The following PLSCR4 variants were observed in gnomAD, a reference collection of about 807,000 sequenced individuals.
PLSCR4 encodes the protein phospholipid scramblase 4, also known as Ca(2+)-dependent phospholipid scramblase 4.
PLSCR4 carries 25 observed loss-of-function variants against 36.3 expected under a neutral mutation model. That is an observed-to-expected ratio of 0.69 (90% CI 0.50 to 0.96). The LOEUF (loss-of-function observed/expected upper bound fraction) is 0.96, where lower values mean the gene tolerates loss of function less well. Among genes scored for constraint, PLSCR4 ranks in the 40% least tolerant of loss-of-function variants. PLSCR4 has a pLI of 0.00. For missense variants in PLSCR4, 408 were observed against 414.7 expected, an observed-to-expected ratio of 0.98 and a Z score of 0.14; for synonymous variants, 122 against 132.9, an observed-to-expected ratio of 0.92 and a Z score of 0.56.
chr3:146,223,927 A>G (rs933138468), intron 1 of PLSCR4: 1 of 146,836 alleles, frequency 6.8e-6, no homozygotes, highest in Non-Finnish European at 1.5e-5. Flanking sequence ...AATATAAAAT[A>G]ATACAAATAT....
intron 3 of PLSCR4, among the ~76,000 whole-genome samples, chr3:146,219,511 C>T (rs908637528): frequency 6.6e-6 from 1 of 152,084 alleles, no homozygotes; most frequent in African/African-American, 2.4e-5. Context: ...TGCATTTTAT[C>T]CTCATAACAC....
At chr3:146,200,797 G>C (rs1389409104) in intron 5 of PLSCR4, among the ~76,000 whole-genome samples, 1 of 152,004 alleles carries the variant, frequency 6.6e-6, no homozygotes, top group East Asian at 1.9e-4. Context: ...TAGGGCTATT[G>C]ACCAGATAAA....
At chr3:146,216,899 G>A (rs748141827) in intron 3 of PLSCR4, among the ~76,000 whole-genome samples, 5 of 152,090 alleles carry the variant, frequency 3.3e-5, no homozygotes, top group African/African-American at 1.2e-4. Context: ...AAAGCCAGTC[G>A]CCTTTGAAGG....
intron 1 of PLSCR4, among the ~76,000 whole-genome samples, chr3:146,227,804 C>G (rs2035538783): frequency 6.6e-6 from 1 of 152,218 alleles, no homozygotes; most frequent in Non-Finnish European, 1.5e-5. Context: ...GCAATTCCTT[C>G]TGCTTCTTAG....
Position 146,199,903 on chromosome 3 carries a change from G to C in PLSCR4, c.534C>G (p.Val178=), listed in dbSNP as rs1162633871. The change falls in exon 6 of 9, where the codon GTC becomes GTG. Residue 178 remains valine, a synonymous_variant. Transcript: ENST00000354952. Reference sequence around the variant, plus strand: ...TGATTTCTCGGCCCATACAATCAGTGACCCGGAGGACGAAGGGCCTTAGTG... The same window carrying C: ...TGATTTCTCGGCCCATACAATCAGTCACCCGGAGGACGAAGGGCCTTAGTG... ...YRTLRPFVLR[V]TDCMGREIMT... is the part of the protein sequence containing the mutation. 5.0e-6 allele frequency: 8 copies of C among 1,613,430 alleles called. No individual in the cohort carries two copies. The highest frequency in any genetic ancestry group is 6.8e-6 in the Non-Finnish European group (8 of 1,179,776).
intron 6 of PLSCR4, among the ~76,000 whole-genome samples, chr3:146,199,245 TCTC>T (rs2033910977): frequency 6.6e-6 from 1 of 152,108 alleles, no homozygotes; most frequent in Non-Finnish European, 1.5e-5. Flanking sequence ...CAAAACCGCT[TCTC>T]TTTTCCCTAC....
chr3:146,212,941 C>T (rs2034696924), intron 3 of PLSCR4, among the ~76,000 whole-genome samples: 1 of 152,056 alleles, frequency 6.6e-6, no homozygotes, highest in Non-Finnish European at 1.5e-5. Flanking sequence ...TGTATTTTGT[C>T]AAGTGTGATT....
At chr3:146,248,672 T>G (rs2036438373) in intron 1 of PLSCR4, among the ~76,000 whole-genome samples, 1 of 152,194 alleles carries the variant, frequency 6.6e-6, no homozygotes. Flanking sequence ...CAGAGCTGTA[T>G]CCATGTTTTC....
chr3:146,250,240 A>T (rs2036491960), intron 1 of PLSCR4, among the ~76,000 whole-genome samples: 1 of 152,168 alleles, frequency 6.6e-6, no homozygotes, highest in Non-Finnish European at 1.5e-5. Flanking sequence ...ATTACAGGAG[A>T]ATGCAATTTA....
rs370726623 is a variant in PLSCR4, at chr3:146,213,908, GTTTTAT to G, written c.118+6901_118+6906del. Reference sequence around the variant, plus strand: ...ATTCCTGATTTTAGTAATATGAGGTGTTTTATTTTTATTTTTATTTTTGGTTAGTTT... The same window carrying G: ...ATTCCTGATTTTAGTAATATGAGGTGTTTTATTTTTATTTTTGGTTAGTTT... On this transcript the variant is annotated intron_variant, in intron 3 of 8. Coordinates refer to ENST00000354952, the MANE Select transcript of PLSCR4 (RefSeq NM_020353.3). 8.8e-3 allele frequency among the ~76,000 whole-genome samples: 1,340 copies of G among 151,994 alleles called. 18 individuals carry two copies. The highest frequency in any genetic ancestry group is 0.031 in the African/African-American group (1,285 of 41,490).
chr3:146,219,752 A>G (rs2035054899), intron 3 of PLSCR4, among the ~76,000 whole-genome samples: 1 of 152,102 alleles, frequency 6.6e-6, no homozygotes, highest in Non-Finnish European at 1.5e-5. Context: ...CCTTGTCTCT[A>G]CAAACAAAAA....
chr3:146,248,599 C>T (rs2036436492), intron 1 of PLSCR4, among the ~76,000 whole-genome samples: 1 of 152,126 alleles, frequency 6.6e-6, no homozygotes, highest in Admixed American at 6.6e-5. Context: ...ATGTTTTAAA[C>T]TGTATATTAT....
rs536891839 is a variant in PLSCR4, at chr3:146,220,808, A to G, written c.118+7T>C. On this transcript the variant is annotated splice_region_variant and intron_variant, in intron 3 of 8. Coordinates refer to ENST00000354952, the MANE Select transcript of PLSCR4 (RefSeq NM_020353.3). Reference sequence around the variant, plus strand: ...AGGAGAATATCTTTTATGAATATTTAACCCACCTGGTAAAAAATGAGAATT... The same window carrying G: ...AGGAGAATATCTTTTATGAATATTTGACCCACCTGGTAAAAAATGAGAATT... 2.2e-5 allele frequency: 33 copies of G among 1,528,468 alleles called. No individual in the cohort carries two copies. In the South Asian group the frequency reaches 3.5e-4, roughly 16 times the overall value. 94.7% of individuals were successfully genotyped at this position (1,528,468 alleles called of 1,614,324 possible).
chr3:146,225,483 G>A (rs1448576900), intron 1 of PLSCR4, among the ~76,000 whole-genome samples: 1 of 152,198 alleles, frequency 6.6e-6, no homozygotes, highest in East Asian at 1.9e-4. Context: ...GGAGCAGGGG[G>A]TGGTGCTCGT....
chr3:146,240,778 A>C (rs2036118738), intron 1 of PLSCR4, among the ~76,000 whole-genome samples: 1 of 152,204 alleles, frequency 6.6e-6, no homozygotes, highest in Non-Finnish European at 1.5e-5. Context: ...AGTTCCTCAA[A>C]AGATTAAACA....
In PLSCR4 at chr3:146,194,308, A is replaced by C; in HGVS notation, c.*103T>G. 1 of 807,620 alleles carries C rather than the reference A, an allele frequency of 1.2e-6. No individual in the cohort carries two copies. Among genetic ancestry groups the C allele is most frequent in the Non-Finnish European group, 2.1e-6 (1 of 467,362 alleles). 50.0% of individuals were successfully genotyped at this position (807,620 alleles called of 1,614,324 possible). On this transcript the variant is annotated 3_prime_UTR_variant, in exon 9 of 9. Coordinates refer to ENST00000354952, the MANE Select transcript of PLSCR4 (RefSeq NM_020353.3). The stretch of plus-strand genomic sequence containing the variant: ...TAACACCCAATAAAAATACTCTACA[A>C]AGCAAAGAAATACACTTGCAAATAA...
intron 3 of PLSCR4, among the ~76,000 whole-genome samples, chr3:146,218,795 A>G (rs541766926): frequency 6.6e-6 from 1 of 152,320 alleles, no homozygotes; most frequent in East Asian, 1.9e-4. Context: ...TGTAAGACAC[A>G]CTGTCTGATA....
chr3:146,223,886 T>C (rs1256480273), intron 1 of PLSCR4: 1 of 147,458 alleles, frequency 6.8e-6, no homozygotes, highest in African/African-American at 2.5e-5. Context: ...TATATATTTT[T>C]ACATTTATAT....
At chr3:146,221,925 A>G in intron 2 of PLSCR4, 140 bp downstream of exon 2, 1 of 419,696 alleles carries the variant, frequency 2.4e-6, no homozygotes, top group Non-Finnish European at 4.3e-6. Flanking sequence ...ATACATATAT[A>G]TATGCAAACA....
Sources: allele counts gnomAD v4.1 joint callset (sites outside exome capture counted in the v4.1 genomes callset), GRCh38; gene constraint gnomAD v4.1.1; transcripts MANE v1.5; gene names NCBI Gene and HGNC (gene_info 2026-07-23, HGNC 2026-07-21).